The following SND1 variants were observed in gnomAD, a reference collection of about 807,000 sequenced individuals.
The protein encoded by SND1 is staphylococcal nuclease and tudor domain containing 1.
In SND1, 38 loss-of-function variants were observed where a neutral mutation model predicts 121.7. The observed-to-expected ratio is 0.31, with a 90% CI of 0.24 to 0.41. The LOEUF is 0.41. Among genes scored for constraint, SND1 ranks in the 10% least tolerant of loss-of-function variants. The pLI is 1.00. For missense variants in SND1, 868 were observed against 1,184.6 expected, an observed-to-expected ratio of 0.73 and a Z score of 3.92; for synonymous variants, 401 against 447.4, an observed-to-expected ratio of 0.90 and a Z score of 1.31.
chr7:128,023,305 C>G (rs1803400000), intron 16 of SND1, among the ~76,000 whole-genome samples: 1 of 152,206 alleles, frequency 6.6e-6, no homozygotes, highest in South Asian at 2.1e-4. Context: ...CCACTCCCCA[C>G]TCCCAGTCCT....
At chr7:127,753,970 C>T (rs140614693) in intron 10 of SND1, among the ~76,000 whole-genome samples, 89 of 152,280 alleles carry the variant, frequency 5.8e-4, no homozygotes, top group African/African-American at 2.0e-3. Flanking sequence ...TCACTAAAGT[C>T]CCCTTGAACG....
intron 17 of SND1, among the ~76,000 whole-genome samples, 157 bp downstream of exon 17, chr7:128,074,847 G>A (rs925456669): frequency 5.3e-5 from 8 of 152,242 alleles, no homozygotes; most frequent in Admixed American, 4.6e-4. Context: ...ACACACAGGC[G>A]AGGAGAGGCT....
Position 128,074,220 on chromosome 7 carries a change from G to C in SND1, c.1780-282G>C, listed in dbSNP as rs567870861. ...CTTCTTCACTTGCTCCTGACCTTCAGCTGCGCTCTCTCTCTCTCTCTCAGG... is the reference window on the plus strand; with the variant it reads ...CTTCTTCACTTGCTCCTGACCTTCACCTGCGCTCTCTCTCTCTCTCTCAGG... On this transcript the variant is annotated intron_variant, in intron 16 of 23. Transcript: ENST00000354725. 9.2e-5 allele frequency among the ~76,000 whole-genome samples: 14 copies of C among 151,902 alleles called. 1 individual carries two copies. The South Asian group carries it at 2.9e-3, about 31-fold the overall frequency.
chr7:127,801,206 A>C (rs1798121002), intron 10 of SND1, among the ~76,000 whole-genome samples: 1 of 152,224 alleles, frequency 6.6e-6, no homozygotes, highest in South Asian at 2.1e-4. Flanking sequence ...CAAAGTATTT[A>C]ACCTTTTTAT....
At chr7:127,968,258 A>G (rs1223041858) in intron 15 of SND1, among the ~76,000 whole-genome samples, 1 of 152,172 alleles carries the variant, frequency 6.6e-6, no homozygotes, top group African/African-American at 2.4e-5. Flanking sequence ...CTGCTGGCAA[A>G]TTGTGACCTC....
At chr7:128,032,188 C>T (rs1407452900) in intron 16 of SND1, 2 of 151,852 alleles carry the variant, frequency 1.3e-5, no homozygotes, top group African/African-American at 2.4e-5. Flanking sequence ...CCTCCGTCGC[C>T]TGCCTCGCGG....
chr7:127,830,681 T>C (rs770758996), intron 11 of SND1, among the ~76,000 whole-genome samples: 11 of 152,178 alleles, frequency 7.2e-5, no homozygotes, highest in Admixed American at 4.6e-4. Context: ...TGGATAATCA[T>C]CTTCACATTC....
At chr7:127,966,978 G>A (rs1435141111) in intron 15 of SND1, among the ~76,000 whole-genome samples, 1 of 152,202 alleles carries the variant, frequency 6.6e-6, no homozygotes, top group Non-Finnish European at 1.5e-5. Context: ...GGCACTAGTG[G>A]CATTTGGGTG....
intron 11 of SND1, among the ~76,000 whole-genome samples, chr7:127,826,138 C>G (rs1798639101): frequency 6.6e-6 from 1 of 152,128 alleles, no homozygotes; most frequent in Non-Finnish European, 1.5e-5. Flanking sequence ...TTGCAGTGAG[C>G]CAAGATTGCG....
chr7:127,782,974 A>G (rs1797749590), intron 10 of SND1, among the ~76,000 whole-genome samples: 2 of 152,240 alleles, frequency 1.3e-5, no homozygotes, highest in Admixed American at 1.3e-4. Flanking sequence ...GTAGTAATGT[A>G]TGTGGCAGTG....
At position 127,686,600 on chromosome 7, in the gene SND1, T is replaced by TC; in HGVS notation, c.79-8dup. 1 of 1,610,614 alleles carries TC rather than the reference T, an allele frequency of 6.2e-7. No homozygotes were observed. Among genetic ancestry groups the TC allele is most frequent in the Non-Finnish European group, 8.5e-7 (1 of 1,177,482 alleles). ...TCTGGACCATTCATTTTCTCTTTCT[T>TC]CCCCCTACGTAGGTCCTCTCAGGGT... On this transcript the variant is annotated splice_polypyrimidine_tract_variant and intron_variant, in intron 1 of 23. Transcript: ENST00000354725.
At position 127,826,675 on chromosome 7, in the gene SND1, A is replaced by G. The variant is rs138363493; in HGVS notation, c.1243-17649A>G. The stretch of plus-strand genomic sequence containing the variant: ...AATTTCATTCCCTTTTTTATCTTAA[A>G]TACCATTTAGCCTAGGTACTAATGA... On this transcript the variant is annotated intron_variant, in intron 11 of 23. Transcript: ENST00000354725. Among the ~76,000 whole-genome samples, 17 of 152,314 alleles carry G rather than the reference A, an allele frequency of 1.1e-4. No individual in the cohort carries two copies. In the East Asian group the frequency reaches 3.1e-3, roughly 28 times the overall value.
intron 3 of SND1, among the ~76,000 whole-genome samples, chr7:127,698,562 T>C (rs1024851068): frequency 6.6e-6 from 1 of 152,206 alleles, no homozygotes; most frequent in African/African-American, 2.4e-5. Context: ...TCTCTTGAGC[T>C]GCCAGCTGTG....
intron 9 of SND1, among the ~76,000 whole-genome samples, chr7:127,714,623 T>C (rs1796354914): frequency 6.6e-6 from 1 of 152,202 alleles, no homozygotes; most frequent in Admixed American, 6.5e-5. Context: ...GAAACTATAC[T>C]CATTAAGCAA....
rs1017163675 is a variant in SND1 at position 127,677,022 on chromosome 7, G to A, written c.79-9591G>A. 4.6e-5 allele frequency among the ~76,000 whole-genome samples: 7 copies of A among 152,336 alleles called. No homozygotes were observed. In the East Asian group the frequency reaches 5.8e-4, roughly 13 times the overall value. Reference sequence around the variant, plus strand: ...CTCCCAAAGTGTTGGGATTACAGGCGTGAGCCACTGTGCCTGACCATGATG... The same window carrying A: ...CTCCCAAAGTGTTGGGATTACAGGCATGAGCCACTGTGCCTGACCATGATG... On this transcript the variant is annotated intron_variant, in intron 1 of 23. Transcript: ENST00000354725.
chr7:128,037,665 A>G (rs897480310), intron 16 of SND1, among the ~76,000 whole-genome samples: 1 of 152,030 alleles, frequency 6.6e-6, no homozygotes, highest in Admixed American at 6.6e-5. Context: ...TCTTCCCTAT[A>G]CCTGTGCCTG....
At chr7:127,875,634 A>T (rs1051214038) in intron 12 of SND1, among the ~76,000 whole-genome samples, 3 of 152,162 alleles carry the variant, frequency 2.0e-5, no homozygotes, top group Non-Finnish European at 4.4e-5. Flanking sequence ...AAATGATTAC[A>T]TGTGGCAAGG....
intron 9 of SND1, among the ~76,000 whole-genome samples, chr7:127,708,415 C>T (rs548416782): frequency 2.8e-4 from 6 of 21,548 alleles, no homozygotes; most frequent in African/African-American, 4.4e-4. Flanking sequence ...TCCTCCCTTC[C>T]TGCCTTCCTC....
chr7:128,044,472 C>T (rs1312263694), intron 16 of SND1, among the ~76,000 whole-genome samples: 6 of 152,202 alleles, frequency 3.9e-5, no homozygotes, highest in Non-Finnish European at 8.8e-5. Context: ...ACAGAATTTC[C>T]TGTATGGGTC....
Sources: allele counts gnomAD v4.1 joint callset (sites outside exome capture counted in the v4.1 genomes callset), GRCh38; gene constraint gnomAD v4.1.1; transcripts MANE v1.5; gene names NCBI Gene and HGNC (gene_info 2026-07-23, HGNC 2026-07-21).